Variants in CEP128 observed in about 807,000 individuals in gnomAD.
CEP128 encodes centrosomal protein 128kDa.
CEP128 carries 132 observed loss-of-function variants against 156.7 expected under a neutral mutation model. The observed-to-expected ratio is 0.84, with a 90% CI of 0.73 to 0.97. CEP128 has a LOEUF of 0.97. Among genes scored for constraint, CEP128 ranks in the 50% least tolerant of loss-of-function variants. The probability of loss-of-function intolerance (pLI) is 0.00; values close to 1 mark genes in which losing one functional copy is unlikely to be tolerated. For missense variants in CEP128, 1,252 were observed against 1,281.9 expected (o/e 0.98, Z 0.36); for synonymous variants, 469 against 448.9 (o/e 1.04, Z -0.57).
rs1430466117 is a variant in CEP128 at position 80,937,917 on chromosome 14, G to A, written c.-16+1468C>T. Among the ~76,000 whole-genome samples, 5 of 144,106 alleles carry A rather than the reference G, an allele frequency of 3.5e-5. No homozygotes were observed. In the East Asian group the frequency reaches 7.9e-4, roughly 23 times the overall value. 94.5% of individuals were successfully genotyped at this position (144,106 alleles called of 152,430 possible). The stretch of plus-strand genomic sequence containing the variant: ...TCCTAAGAATTTTTTTTTTTTTTGA[G>A]ACAGCATCTTACTCTGTCACCCAGG... On this transcript the variant is annotated intron_variant, in intron 2 of 24. Transcript: ENST00000555265.
chr14:80,716,935 G>A (rs1354454908), intron 19 of CEP128, among the ~76,000 whole-genome samples: 1 of 152,154 alleles, frequency 6.6e-6, no homozygotes, highest in Non-Finnish European at 1.5e-5. Context: ...TGAGTATAAA[G>A]TAGTATCTCT....
At chr14:80,782,102 A>G (rs1901153071) in intron 15 of CEP128, among the ~76,000 whole-genome samples, 1 of 152,194 alleles carries the variant, frequency 6.6e-6, no homozygotes, top group East Asian at 1.9e-4. Context: ...TTCACATCAC[A>G]CTATTTCTCA....
At chr14:80,656,294 TATATATA>T (rs1566837857) in intron 19 of CEP128, among the ~76,000 whole-genome samples, 79 of 2,856 alleles carry the variant, frequency 0.028, 1 homozygote, top group African/African-American at 0.083. Context: ...TATATATTTA[TATATATA>T]TATATATATA....
chr14:80,927,186 C>A (rs1885197828), intron 2 of CEP128, among the ~76,000 whole-genome samples: 1 of 152,172 alleles, frequency 6.6e-6, no homozygotes, highest in South Asian at 2.1e-4. Context: ...AGGGCAGACA[C>A]CCCGTCGGAC....
chr14:80,484,854 C>T (rs576195629), intron 14 of CEP128, among the ~76,000 whole-genome samples: 6 of 151,690 alleles, frequency 4.0e-5, no homozygotes, highest in African/African-American at 7.3e-5. Context: ...GAATATTGCA[C>T]GGGAAAATTT....
At chr14:80,821,919 G>A (rs184585087) in intron 13 of CEP128, among the ~76,000 whole-genome samples, 8 of 123,220 alleles carry the variant, frequency 6.5e-5, no homozygotes, top group East Asian at 5.3e-4. Flanking sequence ...CAATCATGGC[G>A]GAAGGTGACA....
chr14:80,803,924 G>A (rs528479909), intron 13 of CEP128, among the ~76,000 whole-genome samples: 68 of 152,038 alleles, frequency 4.5e-4, no homozygotes, highest in African/African-American at 1.6e-3. Flanking sequence ...AATTATTAAT[G>A]TTTATACTAG....
chr14:80,733,181 C>G (rs940744120), intron 19 of CEP128, among the ~76,000 whole-genome samples: 1 of 152,190 alleles, frequency 6.6e-6, no homozygotes, highest in Non-Finnish European at 1.5e-5. Context: ...TCAATTCTCT[C>G]TTGCCTTAAG....
intron 16 of CEP128, among the ~76,000 whole-genome samples, chr14:80,767,539 T>C (rs1900299400): frequency 6.6e-6 from 1 of 152,096 alleles, no homozygotes; most frequent in African/African-American, 2.4e-5. Context: ...ACTTGCCCTC[T>C]GGGAAACCAA....
chr14:80,665,446 A>T (rs1895574840), intron 19 of CEP128, among the ~76,000 whole-genome samples: 1 of 152,210 alleles, frequency 6.6e-6, no homozygotes, highest in Admixed American at 6.5e-5. Flanking sequence ...CTTCAGCTCT[A>T]ACCTCTTTAT....
At position 80,497,261 on chromosome 14, in the gene CEP128, A is replaced by T. The variant is rs1030468748; in HGVS notation, c.*218T>A. 1.7e-5 allele frequency: 7 copies of T among 418,924 alleles called. No individual in the cohort carries two copies. Among genetic ancestry groups the T allele is most frequent in the African/African-American group, 4.1e-5 (2 of 48,280 alleles). 26.0% of individuals were successfully genotyped at this position (418,924 alleles called of 1,614,324 possible). A position where few individuals can be genotyped will look rare whatever the true frequency, so the allele number is the denominator to read the frequency against. On this transcript the variant is annotated 3_prime_UTR_variant, in exon 25 of 25. Transcript: ENST00000555265. ...TCTTTCTGTGCTAGTATAAGTTGCA[A>T]ATAAATTAGCTGCACATCATTCATG...
At chr14:80,738,179 C>T (rs912547966) in intron 19 of CEP128, among the ~76,000 whole-genome samples, 1 of 152,000 alleles carries the variant, frequency 6.6e-6, no homozygotes, top group African/African-American at 2.4e-5. Context: ...GAAAAGTAAA[C>T]CAATATATAA....
chr14:80,788,288 C>CTTTTTTTTTTTTTTTTTTTTTTTTT (rs10628361), intron 14 of CEP128, among the ~76,000 whole-genome samples: 1 of 97,256 alleles, frequency 1.0e-5, no homozygotes, highest in Non-Finnish European at 1.9e-5. Context: ...TGGCCAGGAT[C>CTTTTTTTTTTTTTTTTTTTTTTTTT]TTTTTTTTTT....
At chr14:80,647,863 A>C (rs887356564) in intron 19 of CEP128, among the ~76,000 whole-genome samples, 1 of 152,128 alleles carries the variant, frequency 6.6e-6, no homozygotes, top group Non-Finnish European at 1.5e-5. Flanking sequence ...CATTAACACA[A>C]TGCAGTTCTA....
intron 8 of CEP128, 38 bp from the exon 9 acceptor site, chr14:80,862,911 C>T (rs1335245685): frequency 7.0e-7 from 1 of 1,438,242 alleles, no homozygotes. Context: ...CATTATAGAG[C>T]TAGCAAGCAA....
At chr14:80,576,100 A>G (rs961365452) in intron 20 of CEP128, among the ~76,000 whole-genome samples, 2 of 152,080 alleles carry the variant, frequency 1.3e-5, no homozygotes, top group Non-Finnish European at 2.9e-5. Context: ...AACATGGGGA[A>G]AGGTGAACCA....
At chr14:80,683,588 T>C (rs752568712) in intron 19 of CEP128, among the ~76,000 whole-genome samples, 1 of 152,088 alleles carries the variant, frequency 6.6e-6, no homozygotes, top group Non-Finnish European at 1.5e-5. Flanking sequence ...TAACAAATTC[T>C]AGACTTAAAT....
At chr14:80,675,077 A>T (rs1896004926) in intron 19 of CEP128, among the ~76,000 whole-genome samples, 1 of 152,092 alleles carries the variant, frequency 6.6e-6, no homozygotes, top group South Asian at 2.1e-4. Context: ...GTCCTTTTTA[A>T]CCTCTCCTAT....
chr14:80,581,456 T>C (rs1379716044), intron 19 of CEP128, among the ~76,000 whole-genome samples: 6 of 152,224 alleles, frequency 3.9e-5, no homozygotes, highest in Non-Finnish European at 8.8e-5. Flanking sequence ...AAAGTCATGC[T>C]GGTGTGTTGT....
Sources: allele counts gnomAD v4.1 joint callset (sites outside exome capture counted in the v4.1 genomes callset), GRCh38; gene constraint gnomAD v4.1.1; transcripts MANE v1.5; gene names NCBI Gene and HGNC (gene_info 2026-07-23, HGNC 2026-07-21).